SECTM1: variants seen among roughly 807,000 people sequenced by gnomAD.
SECTM1 encodes secreted and transmembrane protein 1.
A neutral mutation model predicts 18.1 loss-of-function variants in SECTM1; 10 were observed. That is an observed-to-expected ratio of 0.55 (90% CI 0.34 to 0.94). SECTM1 has a LOEUF of 0.94. Ranked by LOEUF, SECTM1 falls within the 40% of genes least tolerant of loss-of-function variation. The probability of loss-of-function intolerance (pLI) is 0.02; values close to 1 mark genes in which losing one functional copy is unlikely to be tolerated. For synonymous variants in SECTM1, 137 were observed against 139.2 expected (o/e 0.98, Z 0.11); for missense variants, 297 against 322.6 (o/e 0.92, Z 0.61).
At chr17:82,327,054 C>A (rs2052152491) in intron 2 of SECTM1, 93 bp downstream of exon 2, 2 of 978,938 alleles carry the variant, frequency 2.0e-6, no homozygotes. Context: ...TCTGGTGGCA[C>A]CTGGACCCAA....
intron 1 of SECTM1, among the ~76,000 whole-genome samples, chr17:82,331,316 G>A (rs1398083457): frequency 2.0e-5 from 3 of 152,186 alleles, no homozygotes; most frequent in East Asian, 1.9e-4. Context: ...GCTCTACCCC[G>A]AGGCTTCAGG....
intron 3 of SECTM1, among the ~76,000 whole-genome samples, chr17:82,324,249 C>G (rs1435248794): frequency 6.6e-6 from 1 of 151,788 alleles, no homozygotes; most frequent in African/African-American, 2.4e-5. Flanking sequence ...CCCTGACAGG[C>G]AGACTGGGCT....
intron 4 of SECTM1, among the ~76,000 whole-genome samples, chr17:82,322,578 A>T (rs2052104108): frequency 6.6e-6 from 1 of 152,112 alleles, no homozygotes; most frequent in Non-Finnish European, 1.5e-5. Flanking sequence ...CCCTTGGCTC[A>T]GAAACTCCAA....
intron 1 of SECTM1, among the ~76,000 whole-genome samples, chr17:82,333,461 G>T (rs1485779731): frequency 6.6e-6 from 1 of 151,520 alleles, no homozygotes; most frequent in Non-Finnish European, 1.5e-5. Flanking sequence ...TGCGACGCAC[G>T]CTCAGGGCCA....
At chr17:82,333,900 G>A (rs1599658745), upstream of SECTM1, 1 of 152,300 alleles carries the variant, frequency 6.6e-6, no homozygotes, top group Non-Finnish European at 1.5e-5. Flanking sequence ...CAAGCGTGAC[G>A]GTGAATTTAT....
chr17:82,328,456 G>A lies in SECTM1; in HGVS notation c.-52-1164C>T, dbSNP rs553501223. On this transcript the variant is annotated intron_variant, in intron 1 of 4. Coordinates refer to ENST00000269389, the MANE Select transcript of SECTM1 (RefSeq NM_003004.3). The surrounding 1 kb of genome is among the most constrained non-coding windows in gnomAD (Gnocchi z 5.8). ...GCTGGGGGATGAGGGTCCCTGTGTG[G>A]AAGCTCCACAAAGCCCCACCTGCCT... is the stretch of plus-strand genomic sequence containing the variant. 5 of 152,494 alleles carry A rather than the reference G, an allele frequency of 3.3e-5. No individual in the cohort carries two copies. Among genetic ancestry groups the A allele is most frequent in the Admixed American group, 3.3e-4 (5 of 15,310 alleles). 9.4% of individuals were successfully genotyped at this position (152,494 alleles called of 1,614,324 possible).
chr17:82,325,968 T>C lies in SECTM1; in HGVS notation c.95-1078A>G, dbSNP rs918345918. The stretch of plus-strand genomic sequence containing the variant: ...TTGGTGCCCATGGGAGGAGGTGGGC[T>C]TCAGGGGCACCTGGCCTTCGGGCTG... On this transcript the variant is annotated intron_variant, in intron 2 of 4. Transcript: ENST00000269389. The surrounding 1 kb of genome is among the most constrained non-coding windows in gnomAD (Gnocchi z 7.6). Among the ~76,000 whole-genome samples, 1 of 152,224 alleles carries C rather than the reference T, an allele frequency of 6.6e-6. No individual in the cohort carries two copies. Among genetic ancestry groups the C allele is most frequent in the Non-Finnish European group, 1.5e-5 (1 of 68,036 alleles).
In SECTM1 at chr17:82,322,382, G is replaced by A. The variant is rs1156279784; in HGVS notation, c.538-12C>T. ...AGGAAGAACTTCTTCTGCAGGGGGA[G>A]GAAGGAGGTGCCTGTGTGAGCCGCG... On this transcript the variant is annotated splice_polypyrimidine_tract_variant and intron_variant, in intron 4 of 4. Transcript: ENST00000269389. 4.3e-6 allele frequency: 7 copies of A among 1,612,858 alleles called. No homozygotes were observed. Among genetic ancestry groups the A allele is most frequent in the Non-Finnish European group, 5.9e-6 (7 of 1,179,298 alleles).
At chr17:82,332,028 G>C (rs1475041178) in intron 1 of SECTM1, among the ~76,000 whole-genome samples, 1 of 152,202 alleles carries the variant, frequency 6.6e-6, no homozygotes, top group African/African-American at 2.4e-5. Context: ...TGTAATCCCA[G>C]TTACTTGGGA....
rs1599651327 is a variant in SECTM1 at position 82,321,941 on chromosome 17, T to G, written c.*220A>C. 1.8e-6 allele frequency: 1 copy of G among 553,994 alleles called. No individual in the cohort carries two copies. Among genetic ancestry groups the G allele is most frequent in the Non-Finnish European group, 3.2e-6 (1 of 310,778 alleles). 34.3% of individuals were successfully genotyped at this position (553,994 alleles called of 1,614,324 possible). ...CCTGGTAAGTCGGGTGCTGCGGAGGTGAGGTGGTTCCATTTTGGAAACTGA... is the reference window on the plus strand; with the variant it reads ...CCTGGTAAGTCGGGTGCTGCGGAGGGGAGGTGGTTCCATTTTGGAAACTGA... On this transcript the variant is annotated 3_prime_UTR_variant, in exon 5 of 5. Transcript: ENST00000269389.
chr17:82,331,909 G>T (rs2052194553), intron 1 of SECTM1, among the ~76,000 whole-genome samples: 1 of 152,252 alleles, frequency 6.6e-6, no homozygotes, highest in Non-Finnish European at 1.5e-5. Context: ...GGAGGCTGAG[G>T]CAGGTGGATC....
At position 82,326,084 on chromosome 17, in the gene SECTM1, T is replaced by C. The variant is rs1255193966; in HGVS notation, c.94+1063A>G. Among the ~76,000 whole-genome samples the C allele has an allele frequency of 6.6e-6, 1 of 152,084 alleles. No homozygotes were observed. Among genetic ancestry groups the C allele is most frequent in the Non-Finnish European group, 1.5e-5 (1 of 67,978 alleles). ...AGGGCCTCTAAGGCCACTGCACAAA[T>C]TCACACCGTCCCGAGGGCAGCGGGC... On this transcript the variant is annotated intron_variant, in intron 2 of 4. Coordinates refer to ENST00000269389, the MANE Select transcript of SECTM1 (RefSeq NM_003004.3). This position sits in a 1 kb window ranked among gnomAD's most constrained non-coding sequence, Gnocchi z 4.3.
chr17:82,324,941 T>C (rs1169894267), intron 2 of SECTM1, 51 bp from the exon 3 acceptor site: 6 of 1,544,368 alleles, frequency 3.9e-6, no homozygotes, highest in Non-Finnish European at 5.3e-6. Flanking sequence ...CCTCAGGGCA[T>C]TGGCTGGCTG....
chr17:82,327,802 G>A (rs954872169), intron 1 of SECTM1, among the ~76,000 whole-genome samples: 5 of 152,054 alleles, frequency 3.3e-5, no homozygotes, highest in Admixed American at 1.3e-4. Context: ...TTCTTGGAGC[G>A]TGTCTGTCTC....
At chr17:82,327,324 C>T in intron 1 of SECTM1, 32 bp from the exon 2 acceptor site, 1 of 1,266,786 alleles carries the variant, frequency 7.9e-7, no homozygotes, top group South Asian at 1.3e-5. Context: ...GGTCAGAGCC[C>T]CCTGCAGCTG....
In SECTM1 at chr17:82,325,642, A is replaced by C. The variant is rs2052139442; in HGVS notation, c.95-752T>G. On this transcript the variant is annotated intron_variant, in intron 2 of 4. Transcript: ENST00000269389. The surrounding 1 kb of genome is among the most constrained non-coding windows in gnomAD (Gnocchi z 7.6). ...CCTGGGTGAACCCTGCCCCATAGCGACCCGTGCAGCTGCTTCCCTCAGAGG... is the reference window on the plus strand; with the variant it reads ...CCTGGGTGAACCCTGCCCCATAGCGCCCCGTGCAGCTGCTTCCCTCAGAGG... Among the ~76,000 whole-genome samples, 1 of 152,158 alleles carries C rather than the reference A, an allele frequency of 6.6e-6. No individual in the cohort carries two copies. The highest frequency in any genetic ancestry group is 1.5e-5 in the Non-Finnish European group (1 of 68,032).
rs888661704 is a variant in SECTM1, at chr17:82,330,516, T to C, written c.-53+3184A>G. On this transcript the variant is annotated intron_variant, in intron 1 of 4. Coordinates refer to ENST00000269389, the MANE Select transcript of SECTM1 (RefSeq NM_003004.3). This position sits in a 1 kb window ranked among gnomAD's most constrained non-coding sequence, Gnocchi z 6.1. ...CCTGACTCGGCAGAGAGCTGCACCC[T>C]GAGCCAGACCTCAGCAGCTGGGTCC... 6.6e-5 allele frequency among the ~76,000 whole-genome samples: 10 copies of C among 152,080 alleles called. No homozygotes were observed. Among genetic ancestry groups the C allele is most frequent in the Non-Finnish European group, 1.3e-4 (9 of 67,974 alleles).
chr17:82,322,824 C>T, intron 4 of SECTM1, 54 bp downstream of exon 4: 5 of 1,597,918 alleles, frequency 3.1e-6, no homozygotes, highest in Non-Finnish European at 4.3e-6. Flanking sequence ...CAGCCTGGGG[C>T]AGCCCCACCC....
chr17:82,332,323 C>G (rs948961492), intron 1 of SECTM1, among the ~76,000 whole-genome samples: 8 of 152,210 alleles, frequency 5.3e-5, no homozygotes, highest in Admixed American at 2.0e-4. Flanking sequence ...AGTGACACGC[C>G]TAGGAAAGTT....
Sources: gnomAD v4.1 joint callset for allele counts (sites outside exome capture counted in the v4.1 genomes callset) on GRCh38, gnomAD v4.1.1 for gene constraint, Gnocchi (gnomAD v3.1) non-coding constraint, MANE v1.5 for transcripts, NCBI Gene and HGNC (gene_info 2026-07-23, HGNC 2026-07-21) for gene names.